HUNK: variants seen among roughly 807,000 people sequenced by gnomAD.
The protein encoded by HUNK is hormonally up-regulated neu tumor-associated kinase.
HUNK carries 21 observed loss-of-function variants against 61.0 expected under a neutral mutation model. That is an observed-to-expected ratio of 0.34 (90% confidence interval 0.24 to 0.50). The LOEUF (loss-of-function observed/expected upper bound fraction) is 0.50, where lower values mean the gene tolerates loss of function less well. HUNK is among the 20% of genes least tolerant of loss of function. HUNK has a pLI of 0.98. For missense variants in HUNK, 772 were observed against 945.7 expected (o/e 0.82, Z 2.41); for synonymous variants, 371 against 386.1 (o/e 0.96, Z 0.46).
chr21:31,873,521 G>GGCCA lies in HUNK; in HGVS notation c.-154_-153insGCCA. 1 of 496,128 alleles carries GGCCA rather than the reference G, an allele frequency of 2.0e-6. No homozygotes were observed. The highest frequency in any genetic ancestry group is 2.6e-6 in the Non-Finnish European group (1 of 382,574). The allele number at this position is 496,128 out of a possible 1,614,324, so 30.7% of individuals were successfully genotyped here. On this transcript the variant is annotated 5_prime_UTR_variant, in exon 1 of 11. In the 5' UTR this introduces an upstream ATG that the reference lacks. Coordinates refer to ENST00000270112, the MANE Select transcript of HUNK (RefSeq NM_014586.2). This position sits in a 1 kb window ranked among gnomAD's most constrained non-coding sequence, Gnocchi z 6.1. The stretch of plus-strand genomic sequence containing the variant: ...CGCCTCGCTGGGCGGCGCGGGGGGC[G>GGCCA]TGATCGCGGCGGCCCCGGGCTCTGG...
At chr21:31,949,708 A>G (rs1296650378) in intron 4 of HUNK, among the ~76,000 whole-genome samples, 1 of 152,150 alleles carries the variant, frequency 6.6e-6, no homozygotes, top group East Asian at 1.9e-4. Context: ...CATAAGGAAA[A>G]GAGCTCTATT....
intron 1 of HUNK, among the ~76,000 whole-genome samples, chr21:31,877,350 G>T (rs150061164): frequency 6.6e-6 from 1 of 152,194 alleles, no homozygotes; most frequent in African/African-American, 2.4e-5. Context: ...AAGGGAGCCA[G>T]TTTTTCCCAA....
At chr21:31,916,942 C>T (rs1449898244) in intron 1 of HUNK, among the ~76,000 whole-genome samples, 1 of 152,134 alleles carries the variant, frequency 6.6e-6, no homozygotes, top group African/African-American at 2.4e-5. Context: ...TCCCAAAGTG[C>T]TGGGGTGACA....
intron 1 of HUNK, among the ~76,000 whole-genome samples, chr21:31,892,756 G>A (rs376687289): frequency 6.6e-6 from 1 of 152,008 alleles, no homozygotes; most frequent in African/African-American, 2.4e-5. Flanking sequence ...AAGGATAAAG[G>A]GAGGTGAGGA....
At chr21:31,950,609 G>A (rs1189783446) in intron 4 of HUNK, among the ~76,000 whole-genome samples, 1 of 152,146 alleles carries the variant, frequency 6.6e-6, no homozygotes, top group Non-Finnish European at 1.5e-5. Flanking sequence ...CTGCTTTGGG[G>A]TCTGAGCAAA....
At chr21:31,887,081 C>G (rs558762143) in intron 1 of HUNK, among the ~76,000 whole-genome samples, 34 of 152,198 alleles carry the variant, frequency 2.2e-4, no homozygotes, top group Non-Finnish European at 3.4e-4. Context: ...CTGGGTGTGC[C>G]TGTCTGGGTG....
chr21:31,901,184 G>A (rs1225812452), intron 1 of HUNK, among the ~76,000 whole-genome samples: 1 of 152,182 alleles, frequency 6.6e-6, no homozygotes, highest in African/African-American at 2.4e-5. Flanking sequence ...GCTGCTGGGG[G>A]TTAGGACTTC....
At chr21:31,900,509 C>T (rs990887091) in intron 1 of HUNK, among the ~76,000 whole-genome samples, 3 of 149,024 alleles carry the variant, frequency 2.0e-5, no homozygotes, top group African/African-American at 5.0e-5. Context: ...TGATTTTTCA[C>T]GAATAGTGGG....
Position 31,873,883 on chromosome 21 carries a change from AG to A in HUNK, c.212del (p.Gly71AlafsTer13). The A allele has an allele frequency of 6.3e-7, 1 of 1,586,974 alleles. No homozygotes were observed. Among genetic ancestry groups the A allele is most frequent in the Non-Finnish European group, 8.6e-7 (1 of 1,169,000 alleles). On this transcript the variant is annotated frameshift_variant, in exon 1 of 11. Transcript: ENST00000270112. LOFTEE classifies it high-confidence loss of function. This position sits in a 1 kb window ranked among gnomAD's most constrained non-coding sequence, Gnocchi z 6.1. ...CTCATCGGCAGCAGGAAGCTGGGCG[AG>A]GGCTCCTTTGCCAAGGTGCGCGAGG... ...NYLIGSRKLGEGSFAKVREGL... is the reference protein window; with the variant it reads ...NYLIGSRKLGXGSFAKVREGL...
intron 1 of HUNK, among the ~76,000 whole-genome samples, chr21:31,880,486 G>T (rs964641283): frequency 4.6e-5 from 7 of 152,006 alleles, no homozygotes; most frequent in African/African-American, 1.7e-4. Context: ...GCACTCTTTG[G>T]CATTTTCTGG....
intron 1 of HUNK, among the ~76,000 whole-genome samples, chr21:31,885,047 G>C (rs2052336200): frequency 6.6e-6 from 1 of 152,098 alleles, no homozygotes; most frequent in Non-Finnish European, 1.5e-5. Context: ...CAAAGTGCTG[G>C]GATTACAGGC....
chr21:31,916,045 T>TTC (rs1180903429), intron 1 of HUNK, among the ~76,000 whole-genome samples: 1 of 112,504 alleles, frequency 8.9e-6, no homozygotes, highest in African/African-American at 3.1e-5. Context: ...AGTGCTTTCT[T>TTC]TTTTTTTTTT....
intron 7 of HUNK, among the ~76,000 whole-genome samples, chr21:31,977,873 T>C (rs1285753033): frequency 1.3e-5 from 2 of 152,170 alleles, no homozygotes; most frequent in African/African-American, 4.8e-5. Flanking sequence ...GCTAATTGTA[T>C]TTTTTGTAGA....
chr21:31,876,302 C>T (rs1422202906), intron 1 of HUNK, among the ~76,000 whole-genome samples: 1 of 152,174 alleles, frequency 6.6e-6, no homozygotes, highest in Non-Finnish European at 1.5e-5. Flanking sequence ...CGGGGAGAAT[C>T]AGTGCTCCAG....
At chr21:31,932,110 CAT>C (rs536203025) in intron 2 of HUNK, among the ~76,000 whole-genome samples, 52 of 152,352 alleles carry the variant, frequency 3.4e-4, no homozygotes, top group Non-Finnish European at 6.9e-4. Flanking sequence ...CATACGTGCA[CAT>C]AGTCACATGA....
intron 4 of HUNK, among the ~76,000 whole-genome samples, chr21:31,954,352 CTG>C (rs1424810494): frequency 2.0e-5 from 3 of 152,212 alleles, no homozygotes; most frequent in African/African-American, 7.2e-5. Context: ...TTCTCGATAA[CTG>C]TGTGTGTTGA....
At chr21:31,909,682 G>A (rs1391104363) in intron 1 of HUNK, among the ~76,000 whole-genome samples, 1 of 152,162 alleles carries the variant, frequency 6.6e-6, no homozygotes, top group African/African-American at 2.4e-5. Flanking sequence ...TAAAAGACAG[G>A]GATGTGTGTG....
chr21:31,873,709 A>C lies in HUNK; in HGVS notation c.35A>C (p.Glu12Ala), dbSNP rs903886796. ...PAAAGDGLLGEPAAPGGGGGA... is the reference protein window; with the variant it reads ...PAAAGDGLLGAPAAPGGGGGA... ...GCGGCGGGGGACGGGCTCCTGGGGG[A>C]GCCGGCGGCGCCTGGGGGCGGCGGC... Residue 12 changes from glutamate to alanine, a missense_variant, in exon 1 of 11, where the codon GAG becomes GCG. Glu to Ala is a moderately radical substitution (Grantham distance 107, BLOSUM62 -1). Transcript: ENST00000270112. This position sits in a 1 kb window ranked among gnomAD's most constrained non-coding sequence, Gnocchi z 6.1. 3.0e-5 allele frequency: 35 copies of C among 1,164,428 alleles called. No individual in the cohort carries two copies. The African/African-American group carries it at 5.6e-4, about 19-fold the overall frequency. The allele number at this position is 1,164,428 out of a possible 1,614,324, so 72.1% of individuals were successfully genotyped here.
intron 5 of HUNK, among the ~76,000 whole-genome samples, chr21:31,964,327 C>T (rs1438673497): frequency 6.6e-6 from 1 of 152,164 alleles, no homozygotes; most frequent in Non-Finnish European, 1.5e-5. Context: ...GGAGGGGTCT[C>T]TATTTGCATC....
Sources: allele counts gnomAD v4.1 joint callset (sites outside exome capture counted in the v4.1 genomes callset), GRCh38; gene constraint gnomAD v4.1.1; non-coding constraint Gnocchi (gnomAD v3.1); transcripts MANE v1.5; gene names NCBI Gene and HGNC (gene_info 2026-07-23, HGNC 2026-07-21).